CD300E: variants seen among roughly 807,000 people sequenced by gnomAD.
CD300E encodes CD300e molecule.
A neutral mutation model predicts 20.9 loss-of-function variants in CD300E; 14 were observed. The observed-to-expected ratio is 0.67, with a 90% CI of 0.44 to 1.05. The LOEUF is 1.05. CD300E is among the 50% of genes least tolerant of loss of function. The probability of loss-of-function intolerance (pLI) is 0.00; values close to 1 mark genes in which losing one functional copy is unlikely to be tolerated. For missense variants in CD300E, 237 were observed against 253.9 expected, an observed-to-expected ratio of 0.93 and a Z score of 0.45; for synonymous variants, 102 against 103.7, an observed-to-expected ratio of 0.98 and a Z score of 0.10.
chr17:74,620,153 A>T (rs1568035892), intron 1 of CD300E, among the ~76,000 whole-genome samples: 1 of 151,984 alleles, frequency 6.6e-6, no homozygotes, highest in African/African-American at 2.4e-5. Flanking sequence ...CCTGGCCAAC[A>T]TGGTGAAATC....
At chr17:74,623,452 A>T in intron 1 of CD300E, 130 bp downstream of exon 1, 1 of 808,580 alleles carries the variant, frequency 1.2e-6, no homozygotes, top group Non-Finnish European at 2.0e-6. Context: ...AAGGATGCAC[A>T]GGTGAATGAA....
At chr17:74,616,572 G>T (rs2030905209) in intron 2 of CD300E, among the ~76,000 whole-genome samples, 1 of 152,132 alleles carries the variant, frequency 6.6e-6, no homozygotes. Flanking sequence ...ATGGCCATCT[G>T]GCACAGCATT....
Position 74,612,245 on chromosome 17 carries a change from CTG to C in CD300E, c.*406_*407del, listed in dbSNP as rs55895807. ...TCTCGCTCTCTCTCTCTCTCTCTCTCTGTCTCTCTCTCTCTCTCTCTCTCTCT... is the reference window on the plus strand; with the variant it reads ...TCTCGCTCTCTCTCTCTCTCTCTCTCTCTCTCTCTCTCTCTCTCTCTCTCT... On this transcript the variant is annotated 3_prime_UTR_variant, in exon 4 of 4. Transcript: ENST00000392619. 658 of 84,884 alleles carry C rather than the reference CTG, an allele frequency of 7.8e-3. 4 individuals carry two copies. Among genetic ancestry groups the C allele is most frequent in the South Asian group, 0.035 (82 of 2,370 alleles). 5.3% of individuals were successfully genotyped at this position (84,884 alleles called of 1,614,324 possible).
intron 1 of CD300E, chr17:74,619,432 G>A: frequency 5.0e-6 from 1 of 199,902 alleles, no homozygotes; most frequent in South Asian, 7.5e-5. Flanking sequence ...AGCTTTCCAG[G>A]CTCCTTCCAG....
chr17:74,616,091 G>C (rs558764950), intron 2 of CD300E, among the ~76,000 whole-genome samples: 1 of 151,974 alleles, frequency 6.6e-6, no homozygotes, highest in Non-Finnish European at 1.5e-5. Flanking sequence ...CTCAATAAAA[G>C]AAAAAAGAAA....
intron 2 of CD300E, among the ~76,000 whole-genome samples, chr17:74,615,747 G>A (rs1005404070): frequency 6.6e-6 from 1 of 152,130 alleles, no homozygotes; most frequent in Non-Finnish European, 1.5e-5. Context: ...GTTTTGTCAG[G>A]TAGATAAGGA....
At chr17:74,618,955 G>T in intron 1 of CD300E, 1 of 403,968 alleles carries the variant, frequency 2.5e-6, no homozygotes. Context: ...CCTAATTCTC[G>T]TAAGAACCTT....
intron 2 of CD300E, among the ~76,000 whole-genome samples, chr17:74,616,546 C>T (rs1273588338): frequency 6.6e-6 from 1 of 152,028 alleles, no homozygotes; most frequent in East Asian, 1.9e-4. Context: ...TTGTCAAGCA[C>T]AGGTAGAGGG....
In CD300E at chr17:74,618,979, G is replaced by A. The variant is rs73995688; in HGVS notation, c.41-1514C>T. 4.5e-3 allele frequency: 1,956 copies of A among 436,938 alleles called. 26 individuals carry two copies. Among genetic ancestry groups the A allele is most frequent in the African/African-American group, 0.035 (1,724 of 49,634 alleles). The allele number at this position is 436,938 out of a possible 1,614,324, so 27.1% of individuals were successfully genotyped here. Reference sequence around the variant, plus strand: ...CGTAAGAACCTTCCTCGCTCTGGATGCTGTGCCCTCAGGAATCTTCCCATT... The same window carrying A: ...CGTAAGAACCTTCCTCGCTCTGGATACTGTGCCCTCAGGAATCTTCCCATT... On this transcript the variant is annotated intron_variant, in intron 1 of 3. Transcript: ENST00000392619.
At position 74,612,324 on chromosome 17, in the gene CD300E, G is replaced by A. The variant is rs113947931; in HGVS notation, c.*329C>T. The A allele has an allele frequency of 1.1e-3, 197 of 178,392 alleles. 1 individual carries two copies. Among genetic ancestry groups the A allele is most frequent in the Non-Finnish European group, 1.6e-3 (134 of 85,090 alleles). 11.1% of individuals were successfully genotyped at this position (178,392 alleles called of 1,614,324 possible). A position where few individuals can be genotyped will look rare whatever the true frequency, so the allele number is the denominator to read the frequency against. On this transcript the variant is annotated 3_prime_UTR_variant, in exon 4 of 4. Coordinates refer to ENST00000392619, the MANE Select transcript of CD300E (RefSeq NM_181449.3). ...GCCCAGGCTGGCCTGGAACTCTTAC[G>A]TTCAGCCGATCCTCCTGCCTCAGCC...
At chr17:74,619,862 C>G (rs538550980) in intron 1 of CD300E, among the ~76,000 whole-genome samples, 1 of 152,334 alleles carries the variant, frequency 6.6e-6, no homozygotes, top group Admixed American at 6.5e-5. Flanking sequence ...GAGGCAGAAT[C>G]TCATCCTGAA....
chr17:74,617,253 G>A lies in CD300E; in HGVS notation c.253C>T (p.Leu85Phe). ...RVSIRDHPEALAFTVTMQNLN... is the reference protein window; with the variant it reads ...RVSIRDHPEAFAFTVTMQNLN... ...TTCTGCATGGTCACAGTGAAGGCGA[G>A]AGCCTCCGGGTGGTCTCTGATGGAC... is the stretch of plus-strand genomic sequence containing the variant. The change falls in exon 2 of 4, where the codon CTC becomes TTC. Residue 85 changes from leucine (L) to phenylalanine (F), a missense_variant. Transcript: ENST00000392619. 1 of 1,614,234 alleles carries A rather than the reference G, an allele frequency of 6.2e-7. No homozygotes were observed. The highest frequency in any genetic ancestry group is 1.1e-5 in the South Asian group (1 of 91,088).
chr17:74,613,185 G>A (rs1420062916), intron 3 of CD300E, among the ~76,000 whole-genome samples: 1 of 152,166 alleles, frequency 6.6e-6, no homozygotes, highest in Non-Finnish European at 1.5e-5. Flanking sequence ...GCTCACTGCA[G>A]CCTTGACTTC....
intron 1 of CD300E, among the ~76,000 whole-genome samples, chr17:74,622,261 G>A (rs969798734): frequency 2.0e-5 from 3 of 151,868 alleles, no homozygotes; most frequent in African/African-American, 7.3e-5. Context: ...TGAGATAGGG[G>A]TGGAAAGAGA....
intron 2 of CD300E, among the ~76,000 whole-genome samples, chr17:74,614,803 G>A (rs2030864713): frequency 6.6e-6 from 1 of 152,120 alleles, no homozygotes; most frequent in Admixed American, 6.5e-5. Context: ...GCCACTGTAG[G>A]CCACCCCTAG....
At chr17:74,622,389 G>T (rs940676498) in intron 1 of CD300E, among the ~76,000 whole-genome samples, 3 of 152,028 alleles carry the variant, frequency 2.0e-5, no homozygotes, top group Admixed American at 6.5e-5. Flanking sequence ...GAGGAGGATT[G>T]CTTGAGCCCA....
chr17:74,611,141 A>G lies in CD300E; in HGVS notation c.*1512T>C, dbSNP rs1010901012. 6 of 152,226 alleles carry G rather than the reference A, an allele frequency of 3.9e-5. No individual in the cohort carries two copies. Among genetic ancestry groups the G allele is most frequent in the African/African-American group, 1.4e-4 (6 of 41,468 alleles). The allele number at this position is 152,226 out of a possible 1,614,324, so 9.4% of individuals were successfully genotyped here. A position where few individuals can be genotyped will look rare whatever the true frequency, so the allele number is the denominator to read the frequency against. ...ATCATAAGCTCCTTTCTTGCTCATC[A>G]TCATATTTCCCGGGTTAATATAATT... On this transcript the variant is annotated 3_prime_UTR_variant, in exon 4 of 4. Transcript: ENST00000392619.
At position 74,617,340 on chromosome 17, in the gene CD300E, T is replaced by A. The variant is rs2030925415; in HGVS notation, c.166A>T (p.Thr56Ser). The A allele has an allele frequency of 2.5e-6, 4 of 1,614,086 alleles. No individual in the cohort carries two copies. The highest frequency in any genetic ancestry group is 3.4e-6 in the Non-Finnish European group (4 of 1,180,048). Residue 56 changes from threonine to serine, a missense_variant, in exon 2 of 4, where the codon ACG becomes TCG. Physicochemically the swap from Thr to Ser is moderately conservative, Grantham distance 58. Coordinates refer to ENST00000392619, the MANE Select transcript of CD300E (RefSeq NM_181449.3). ...GTCTCCACAATGCTCTCACATGACG[T>A]GTCGTACTGTCCTCGGCACCAGTAC... The part of the protein sequence containing the change: ...NKYWCRGQYD[T>S]SCESIVETKG...
Position 74,611,685 on chromosome 17 carries a change from G to T in CD300E, c.*968C>A, listed in dbSNP as rs560519026. The T allele has an allele frequency of 2.6e-5, 4 of 152,294 alleles. No individual in the cohort carries two copies. Among genetic ancestry groups the T allele is most frequent in the Non-Finnish European group, 4.4e-5 (3 of 68,104 alleles). The allele number at this position is 152,294 out of a possible 1,614,324, so 9.4% of individuals were successfully genotyped here. ...GTGGTCTCAGCCAGACTTCTAAAGT[G>T]GACAGAACTGACTCTGTTGACCTTG... is the stretch of plus-strand genomic sequence containing the variant. On this transcript the variant is annotated 3_prime_UTR_variant, in exon 4 of 4. Coordinates refer to ENST00000392619, the MANE Select transcript of CD300E (RefSeq NM_181449.3).
Sources: allele counts gnomAD v4.1 joint callset (sites outside exome capture counted in the v4.1 genomes callset), GRCh38; gene constraint gnomAD v4.1.1; transcripts MANE v1.5; gene names NCBI Gene and HGNC (gene_info 2026-07-23, HGNC 2026-07-21).